The following TMEM131 variants were observed in gnomAD, a reference collection of about 807,000 sequenced individuals.
TMEM131 encodes 2610524E03Rik.
A neutral mutation model predicts 211.6 loss-of-function variants in TMEM131; 66 were observed. The observed-to-expected ratio is 0.31, with a 90% CI of 0.26 to 0.38. The LOEUF (loss-of-function observed/expected upper bound fraction) is 0.38. TMEM131 is among the 10% of genes least tolerant of loss of function. TMEM131 has a pLI of 1.00. For synonymous variants in TMEM131, 844 were observed against 841.3 expected (o/e 1.00, Z -0.06); for missense variants, 2,036 against 2,299.3 (o/e 0.89, Z 2.34).
chr2:97,908,752 C>A, intron 2 of TMEM131, 54 bp from the exon 3 acceptor site: 1 of 1,435,416 alleles, frequency 7.0e-7, no homozygotes, highest in Non-Finnish European at 9.7e-7. Context: ...ATTTATATTA[C>A]AGACATATGG....
chr2:97,924,029 G>A (rs1051331674), intron 2 of TMEM131, among the ~76,000 whole-genome samples: 3 of 151,998 alleles, frequency 2.0e-5, no homozygotes, highest in South Asian at 4.2e-4. Context: ...GCAGTGAGCC[G>A]AGACTGCGCC....
intron 1 of TMEM131, among the ~76,000 whole-genome samples, chr2:97,955,930 T>C (rs1302509953): frequency 2.0e-5 from 3 of 152,212 alleles, no homozygotes; most frequent in Non-Finnish European, 4.4e-5. Context: ...ACAGGTTTAA[T>C]GCAATTCCTA....
At chr2:97,901,711 T>C (rs191783715) in intron 3 of TMEM131, among the ~76,000 whole-genome samples, 6 of 152,138 alleles carry the variant, frequency 3.9e-5, no homozygotes, top group Non-Finnish European at 5.9e-5. Flanking sequence ...TTCTGACTTA[T>C]AGAAGGGAGC....
chr2:97,903,477 T>G (rs1675941679), intron 3 of TMEM131, among the ~76,000 whole-genome samples: 1 of 152,168 alleles, frequency 6.6e-6, no homozygotes, highest in Non-Finnish European at 1.5e-5. Context: ...AGTCAGAGTT[T>G]CATGTAAAAC....
chr2:97,763,674 G>C (rs962282081), intron 35 of TMEM131: 9 of 152,574 alleles, frequency 5.9e-5, no homozygotes, highest in Non-Finnish European at 1.0e-4. Context: ...CGCCCCTGCA[G>C]TGACTCGTCC....
chr2:97,979,892 C>T (rs1054722928), intron 1 of TMEM131, among the ~76,000 whole-genome samples: 1 of 152,182 alleles, frequency 6.6e-6, no homozygotes, highest in Non-Finnish European at 1.5e-5. Context: ...ATGCTCTCCT[C>T]GCTAAGCTTA....
At chr2:97,785,904 C>T (rs1337748510) in intron 31 of TMEM131, among the ~76,000 whole-genome samples, 2 of 152,224 alleles carry the variant, frequency 1.3e-5, no homozygotes, top group Non-Finnish European at 2.9e-5. Flanking sequence ...TGGTACATTC[C>T]TTTTGGGGAA....
intron 1 of TMEM131, among the ~76,000 whole-genome samples, chr2:97,994,075 T>C (rs953378846): frequency 3.9e-5 from 6 of 152,326 alleles, no homozygotes; most frequent in Non-Finnish European, 8.8e-5. Context: ...CAAGGTCTAC[T>C]TGAAGTCCCA....
intron 19 of TMEM131, among the ~76,000 whole-genome samples, chr2:97,808,758 T>G (rs1681422513): frequency 6.6e-6 from 1 of 152,224 alleles, no homozygotes; most frequent in Admixed American, 6.5e-5. Context: ...ATACGAGGCT[T>G]GCAGCAAGAG....
chr2:97,832,769 C>CT (rs1348749846), intron 11 of TMEM131, among the ~76,000 whole-genome samples: 1 of 152,138 alleles, frequency 6.6e-6, no homozygotes, highest in Non-Finnish European at 1.5e-5. Context: ...TTAGATATCC[C>CT]TTTTTTTCCT....
chr2:97,805,531 C>G lies in TMEM131; in HGVS notation c.2208+20G>C, dbSNP rs769738440. On this transcript the variant is annotated intron_variant, in intron 20 of 40. Transcript: ENST00000186436. ...CAAAATGTTAACCAATGGGAATTCT[C>G]AAATATAATATCTTCAAACCTTTGA... 74 of 1,609,824 alleles carry G rather than the reference C, an allele frequency of 4.6e-5. No homozygotes were observed. In the South Asian group the frequency reaches 8.0e-4, roughly 17 times the overall value.
At chr2:97,827,691 T>A in intron 11 of TMEM131, 1 of 1,014,124 alleles carries the variant, frequency 9.9e-7, no homozygotes, top group Middle Eastern at 3.0e-4. Context: ...TCCCACCTCA[T>A]CCCATTTTTT....
At chr2:97,831,080 CTGA>C (rs1225649509) in intron 11 of TMEM131, among the ~76,000 whole-genome samples, 2 of 152,184 alleles carry the variant, frequency 1.3e-5, no homozygotes, top group Non-Finnish European at 2.9e-5. Flanking sequence ...TGCCCCATAG[CTGA>C]TAAGGTGGGA....
intron 27 of TMEM131, 82 bp downstream of exon 27, chr2:97,796,762 G>A: frequency 1.4e-6 from 2 of 1,411,836 alleles, no homozygotes; most frequent in South Asian, 1.3e-5. Context: ...TGCACATACA[G>A]AAATAATGTT....
chr2:97,983,280 T>A (rs767615730), intron 1 of TMEM131, among the ~76,000 whole-genome samples: 4 of 152,202 alleles, frequency 2.6e-5, no homozygotes, highest in Non-Finnish European at 5.9e-5. Flanking sequence ...TCTCAAGTAG[T>A]AGCAGTGACA....
chr2:97,802,108 A>T (rs1425487608), intron 24 of TMEM131, 147 bp from the exon 25 acceptor site: 2 of 523,840 alleles, frequency 3.8e-6, no homozygotes, highest in East Asian at 6.6e-5. Context: ...GCCTTAAGAA[A>T]ATTAAAGGCC....
intron 3 of TMEM131, among the ~76,000 whole-genome samples, chr2:97,895,352 C>G (rs1675563790): frequency 6.6e-6 from 1 of 152,048 alleles, no homozygotes; most frequent in African/African-American, 2.4e-5. Flanking sequence ...GTGTCTCTGC[C>G]AGGTTTTGGA....
At chr2:97,832,016 A>AG (rs1413582335) in intron 11 of TMEM131, among the ~76,000 whole-genome samples, 1 of 149,884 alleles carries the variant, frequency 6.7e-6, no homozygotes, top group African/African-American at 2.4e-5. Context: ...AAAAAAAAAA[A>AG]AAAAAAAAAA....
At chr2:97,921,358 C>T (rs1484611341) in intron 2 of TMEM131, among the ~76,000 whole-genome samples, 1 of 152,104 alleles carries the variant, frequency 6.6e-6, no homozygotes, top group Non-Finnish European at 1.5e-5. Flanking sequence ...TTATTCCAGA[C>T]AGAATTTGAG....
Sources: gnomAD v4.1 joint callset for allele counts (sites outside exome capture counted in the v4.1 genomes callset) on GRCh38, gnomAD v4.1.1 for gene constraint, MANE v1.5 for transcripts, NCBI Gene and HGNC (gene_info 2026-07-23, HGNC 2026-07-21) for gene names.